The following ADAMTSL1 variants were observed in gnomAD, a reference collection of about 807,000 sequenced individuals.
ADAMTSL1 encodes the protein ADAMTS like 1.
In ADAMTSL1, 126 loss-of-function variants were observed where a neutral mutation model predicts 201.8. The ratio of observed to expected loss-of-function variants is 0.62; its 90% CI spans 0.54 to 0.72. The LOEUF is 0.72. Ranked by LOEUF, ADAMTSL1 falls within the 30% of genes least tolerant of loss-of-function variation. The probability of loss-of-function intolerance (pLI) is 0.00; values close to 1 mark genes in which losing one functional copy is unlikely to be tolerated. For synonymous variants in ADAMTSL1, 1,121 were observed against 903.4 expected, an observed-to-expected ratio of 1.24 and a Z score of -4.32; for missense variants, 2,679 against 2,277.8, an observed-to-expected ratio of 1.18 and a Z score of -3.59.
At chr9:18,527,893 C>T (rs1166844334) in intron 2 of ADAMTSL1, among the ~76,000 whole-genome samples, 3 of 152,068 alleles carry the variant, frequency 2.0e-5, no homozygotes. Context: ...ACCCGCCCCC[C>T]TCAAGATGGA....
chr9:18,537,787 T>C (rs935833692), intron 3 of ADAMTSL1, among the ~76,000 whole-genome samples: 6 of 151,036 alleles, frequency 4.0e-5, no homozygotes, highest in African/African-American at 1.5e-4. Flanking sequence ...GGCGGGAGGA[T>C]TGCTTGAGCC....
At chr9:18,766,264 C>T (rs562679319) in intron 16 of ADAMTSL1, among the ~76,000 whole-genome samples, 2 of 152,136 alleles carry the variant, frequency 1.3e-5, no homozygotes, top group Non-Finnish European at 2.9e-5. Flanking sequence ...TCCACCAGGG[C>T]AGGAACCAGA....
intron 1 of ADAMTSL1, among the ~76,000 whole-genome samples, chr9:18,090,533 C>T (rs1484221066): frequency 6.6e-6 from 1 of 152,082 alleles, no homozygotes; most frequent in Non-Finnish European, 1.5e-5. Flanking sequence ...ATATGAGGTA[C>T]CCAGAGTAGT....
intron 2 of ADAMTSL1, among the ~76,000 whole-genome samples, chr9:18,332,914 G>A (rs972794140): frequency 3.0e-4 from 46 of 152,230 alleles, no homozygotes; most frequent in African/African-American, 9.4e-4. Context: ...TGAGCTTAAC[G>A]AGCATCTGAG....
chr9:18,196,820 C>T (rs184041093), intron 2 of ADAMTSL1, among the ~76,000 whole-genome samples: 1 of 152,058 alleles, frequency 6.6e-6, no homozygotes, highest in African/African-American at 2.4e-5. Context: ...CAAGCTGTTC[C>T]CTCAGCCTGA....
chr9:18,501,677 T>C (rs904411298), intron 1 of ADAMTSL1, among the ~76,000 whole-genome samples: 1 of 152,228 alleles, frequency 6.6e-6, no homozygotes. Flanking sequence ...TGGTTATAGA[T>C]GTAAATGTCT....
intron 3 of ADAMTSL1, among the ~76,000 whole-genome samples, chr9:18,542,359 C>G (rs1004928765): frequency 2.0e-5 from 3 of 152,262 alleles, no homozygotes; most frequent in Non-Finnish European, 1.5e-5. Flanking sequence ...CATGTTGGCT[C>G]TACTCTTCCT....
chr9:18,066,274 A>G (rs1822696912), intron 1 of ADAMTSL1, among the ~76,000 whole-genome samples: 1 of 152,174 alleles, frequency 6.6e-6, no homozygotes, highest in African/African-American at 2.4e-5. Context: ...CACCAATAAT[A>G]GAAGTATTAT....
intron 1 of ADAMTSL1, among the ~76,000 whole-genome samples, chr9:18,009,039 C>G (rs959881956): frequency 1.3e-5 from 2 of 151,858 alleles, no homozygotes; most frequent in Non-Finnish European, 2.9e-5. Context: ...TGGTTACTCT[C>G]CCCTGCAGAT....
At chr9:18,866,595 G>A (rs779282441) in intron 23 of ADAMTSL1, among the ~76,000 whole-genome samples, 6 of 152,182 alleles carry the variant, frequency 3.9e-5, no homozygotes, top group Non-Finnish European at 7.3e-5. Flanking sequence ...ATGCTTATTA[G>A]AAGCACATTC....
intron 2 of ADAMTSL1, among the ~76,000 whole-genome samples, chr9:18,189,290 A>T (rs1340608013): frequency 1.3e-5 from 2 of 152,156 alleles, no homozygotes; most frequent in Non-Finnish European, 2.9e-5. Flanking sequence ...GGATAGTCAC[A>T]CTGCAAATTT....
chr9:18,200,026 C>T (rs895755559), intron 2 of ADAMTSL1, among the ~76,000 whole-genome samples: 1 of 151,900 alleles, frequency 6.6e-6, no homozygotes, highest in Non-Finnish European at 1.5e-5. Flanking sequence ...AATGATGGCT[C>T]TTAGCTAAAC....
intron 2 of ADAMTSL1, among the ~76,000 whole-genome samples, chr9:18,404,098 C>A (rs1587090923): frequency 6.6e-6 from 1 of 152,134 alleles, no homozygotes; most frequent in Non-Finnish European, 1.5e-5. Context: ...TGTTACTTAT[C>A]CTTCTCTCAT....
At chr9:18,477,926 A>C (rs2131788510) in intron 1 of ADAMTSL1, among the ~76,000 whole-genome samples, 1 of 152,316 alleles carries the variant, frequency 6.6e-6, no homozygotes, top group Admixed American at 6.5e-5. Flanking sequence ...GAACTACAGA[A>C]GAATCTTGTT....
intron 2 of ADAMTSL1, among the ~76,000 whole-genome samples, chr9:18,457,333 C>T (rs1486238608): frequency 6.6e-6 from 1 of 151,048 alleles, no homozygotes; most frequent in African/African-American, 2.5e-5. Context: ...GGAATAATTT[C>T]TTTCTTTTTT....
chr9:18,379,406 C>T (rs1180722927), intron 2 of ADAMTSL1, among the ~76,000 whole-genome samples: 3 of 152,012 alleles, frequency 2.0e-5, no homozygotes, highest in Non-Finnish European at 4.4e-5. Flanking sequence ...CTTTTTTTTC[C>T]CCTATTGTTC....
At chr9:17,920,313 C>G (rs1826255745) in intron 1 of ADAMTSL1, among the ~76,000 whole-genome samples, 1 of 152,108 alleles carries the variant, frequency 6.6e-6, no homozygotes, top group African/African-American at 2.4e-5. Flanking sequence ...GGTCTGATTG[C>G]TTTTTGCGTA....
chr9:18,651,068 C>T (rs980716159), intron 7 of ADAMTSL1: 1 of 152,254 alleles, frequency 6.6e-6, no homozygotes, highest in African/African-American at 2.4e-5. Context: ...AGCTGCTTTG[C>T]TGAAGATGGT....
At chr9:18,679,677 T>G (rs1406964904) in intron 10 of ADAMTSL1, among the ~76,000 whole-genome samples, 5 of 152,176 alleles carry the variant, frequency 3.3e-5, no homozygotes, top group African/African-American at 1.2e-4. Context: ...TTAGGGAATA[T>G]GTAGATAATA....
Sources: gnomAD v4.1 joint callset for allele counts (sites outside exome capture counted in the v4.1 genomes callset) on GRCh38, gnomAD v4.1.1 for gene constraint, MANE v1.5 for transcripts, NCBI Gene and HGNC (gene_info 2026-07-23, HGNC 2026-07-21) for gene names.